Variants in CUL3 observed in about 807,000 individuals in gnomAD.
CUL3 encodes cullin 3, also known as cullin-3.
In CUL3, 19 loss-of-function variants were observed where a neutral mutation model predicts 89.1. The observed-to-expected ratio is 0.21, with a 90% CI of 0.15 to 0.31. The LOEUF (loss-of-function observed/expected upper bound fraction) is 0.31, where lower values mean the gene tolerates loss of function less well. Among genes scored for constraint, CUL3 ranks in the 10% least tolerant of loss-of-function variants. The pLI, the probability that CUL3 is intolerant of heterozygous loss-of-function variation, is 1.00. For missense variants in CUL3, 469 were observed against 942.3 expected, an observed-to-expected ratio of 0.50 and a Z score of 6.58; for synonymous variants, 351 against 308.4, an observed-to-expected ratio of 1.14 and a Z score of -1.45.
rs1691080585 is a variant in CUL3, at chr2:224,470,363, C to G, written c.*3882G>C. On this transcript the variant is annotated 3_prime_UTR_variant, in exon 16 of 16. Transcript: ENST00000264414. ...CAACTTAGACCCTAAAACTGAGCAT[C>G]AAATTACTTAAATGACACGCTTACA... 4.4e-6 allele frequency: 1 copy of G among 228,878 alleles called. No homozygotes were observed. Among genetic ancestry groups the G allele is most frequent in the Non-Finnish European group, 8.7e-6 (1 of 115,492 alleles). 14.2% of individuals were successfully genotyped at this position (228,878 alleles called of 1,614,324 possible). A position where few individuals can be genotyped will look rare whatever the true frequency, so the allele number is the denominator to read the frequency against.
At position 224,472,510 on chromosome 2, in the gene CUL3, T is replaced by C. The variant is rs560363718; in HGVS notation, c.*1735A>G. The C allele has an allele frequency of 5.3e-6, 1 of 188,912 alleles. No individual in the cohort carries two copies. Among genetic ancestry groups the C allele is most frequent in the East Asian group, 8.6e-5 (1 of 11,630 alleles). 11.7% of individuals were successfully genotyped at this position (188,912 alleles called of 1,614,324 possible). On this transcript the variant is annotated 3_prime_UTR_variant, in exon 16 of 16. Transcript: ENST00000264414. Reference sequence around the variant, plus strand: ...TTCCAATTATGTCAAAATCAGAAGGTGAAACCCTTAGCTTTCCATGTTACA... The same window carrying C: ...TTCCAATTATGTCAAAATCAGAAGGCGAAACCCTTAGCTTTCCATGTTACA...
intron 13 of CUL3, among the ~76,000 whole-genome samples, chr2:224,486,461 C>T (rs1033224069): frequency 8.6e-5 from 13 of 151,852 alleles, no homozygotes; most frequent in Admixed American, 3.9e-4. Context: ...ACAAGAACTT[C>T]GTGAAGCACA....
chr2:224,501,761 G>C (rs1271782878), intron 10 of CUL3, among the ~76,000 whole-genome samples: 1 of 152,130 alleles, frequency 6.6e-6, no homozygotes, highest in African/African-American at 2.4e-5. Flanking sequence ...AGTTGGTTAG[G>C]GGAAGGGAGG....
rs1295072753 is a variant in CUL3, at chr2:224,471,723, G to T, written c.*2522C>A. ...AGGCTGTGCGTTCCCTAATTGCAAT[G>T]AATTTTCAGTCTTTAAATAATGTTA... On this transcript the variant is annotated 3_prime_UTR_variant, in exon 16 of 16. Coordinates refer to ENST00000264414, the MANE Select transcript of CUL3 (RefSeq NM_003590.5). The T allele has an allele frequency of 4.5e-6, 1 of 223,724 alleles. No homozygotes were observed. The highest frequency in any genetic ancestry group is 8.9e-6 in the Non-Finnish European group (1 of 112,214). The allele number at this position is 223,724 out of a possible 1,614,324, so 13.9% of individuals were successfully genotyped here. A position where few individuals can be genotyped will look rare whatever the true frequency, so the allele number is the denominator to read the frequency against.
At chr2:224,552,796 G>A (rs867548498) in intron 2 of CUL3, among the ~76,000 whole-genome samples, 16 of 152,134 alleles carry the variant, frequency 1.1e-4, no homozygotes, top group Non-Finnish European at 1.6e-4. Context: ...TATATGGTTC[G>A]TCAGGCAGTT....
intron 1 of CUL3, among the ~76,000 whole-genome samples, chr2:224,578,469 T>A (rs1357170290): frequency 6.6e-6 from 1 of 152,078 alleles, no homozygotes; most frequent in Non-Finnish European, 1.5e-5. Context: ...TACAGGTGAT[T>A]TTTTTTATTT....
chr2:224,481,530 G>A (rs1405813344), intron 14 of CUL3, among the ~76,000 whole-genome samples: 1 of 151,802 alleles, frequency 6.6e-6, no homozygotes, highest in Non-Finnish European at 1.5e-5. Context: ...TTTTATATAG[G>A]TCTCCCAATT....
At chr2:224,573,549 G>A (rs1279183565) in intron 1 of CUL3, among the ~76,000 whole-genome samples, 4 of 152,146 alleles carry the variant, frequency 2.6e-5, no homozygotes, top group African/African-American at 4.8e-5. Context: ...GGAAGCTTAC[G>A]AAGGCTTCTT....
chr2:224,565,297 A>T, intron 1 of CUL3, among the ~76,000 whole-genome samples: 2 of 152,200 alleles, frequency 1.3e-5, no homozygotes, highest in Non-Finnish European at 2.9e-5. Flanking sequence ...GTGGAAGTGG[A>T]TTGTCATAAA....
chr2:224,503,137 A>G (rs1172497865), intron 9 of CUL3, 65 bp from the exon 10 acceptor site: 10 of 1,033,104 alleles, frequency 9.7e-6, no homozygotes, highest in Non-Finnish European at 1.2e-5. Context: ...AAGTACAGAA[A>G]GAAATAAATT....
At chr2:224,505,242 A>C (rs1054272721) in intron 8 of CUL3, among the ~76,000 whole-genome samples, 1 of 150,430 alleles carries the variant, frequency 6.6e-6, no homozygotes, top group Non-Finnish European at 1.5e-5. Context: ...GGTTCAAGTG[A>C]TTCTCCTGCC....
chr2:224,551,506 ATTTT>A (rs374647901), intron 2 of CUL3, among the ~76,000 whole-genome samples: 1 of 139,630 alleles, frequency 7.2e-6, no homozygotes, highest in Non-Finnish European at 1.6e-5. Flanking sequence ...CGCCTGGTCA[ATTTT>A]TTTTTTTTTT....
At position 224,474,194 on chromosome 2, in the gene CUL3, A is replaced by C; in HGVS notation, c.*51T>G. The C allele has an allele frequency of 6.4e-7, 1 of 1,559,610 alleles. No homozygotes were observed. Among genetic ancestry groups the C allele is most frequent in the Non-Finnish European group, 8.7e-7 (1 of 1,149,856 alleles). On this transcript the variant is annotated 3_prime_UTR_variant, in exon 16 of 16. Coordinates refer to ENST00000264414, the MANE Select transcript of CUL3 (RefSeq NM_003590.5). The stretch of plus-strand genomic sequence containing the variant: ...ATTTAATGATTTAAAAGAACTTCCC[A>C]GTCCATGCGAAGAGTACAGTCCAAG...
At chr2:224,559,423 A>T (rs554705499) in intron 1 of CUL3, among the ~76,000 whole-genome samples, 1 of 150,382 alleles carries the variant, frequency 6.6e-6, no homozygotes, top group South Asian at 2.1e-4. Flanking sequence ...ACTGCACTCC[A>T]GCCTAGGTGA....
intron 2 of CUL3, among the ~76,000 whole-genome samples, chr2:224,538,640 C>T (rs573199854): frequency 8.5e-5 from 13 of 152,228 alleles, no homozygotes; most frequent in South Asian, 8.3e-4. Flanking sequence ...AAAACCTATA[C>T]TAAAATTACA....
chr2:224,553,370 A>T (rs139611032), intron 2 of CUL3, among the ~76,000 whole-genome samples: 161 of 152,330 alleles, frequency 1.1e-3, no homozygotes, highest in Middle Eastern at 3.4e-3. Flanking sequence ...GAATAAATAA[A>T]AGAACATTTT....
At chr2:224,536,685 A>G (rs1366381352) in intron 2 of CUL3, among the ~76,000 whole-genome samples, 1 of 152,124 alleles carries the variant, frequency 6.6e-6, no homozygotes, top group African/African-American at 2.4e-5. Flanking sequence ...TGTCTTTCCA[A>G]TCCAACCCTA....
At chr2:224,518,849 T>C (rs1263334710) in intron 3 of CUL3, among the ~76,000 whole-genome samples, 2 of 152,228 alleles carry the variant, frequency 1.3e-5, no homozygotes, top group Non-Finnish European at 2.9e-5. Flanking sequence ...ATTTCCCCTG[T>C]CCCAACTTTA....
intron 1 of CUL3, among the ~76,000 whole-genome samples, chr2:224,562,422 G>A (rs759201241): frequency 3.3e-5 from 5 of 152,090 alleles, no homozygotes; most frequent in Non-Finnish European, 7.4e-5. Flanking sequence ...CAGATCACTT[G>A]AGGTTGGGAG....
Sources: allele counts gnomAD v4.1 joint callset (sites outside exome capture counted in the v4.1 genomes callset), GRCh38; gene constraint gnomAD v4.1.1; transcripts MANE v1.5; gene names NCBI Gene and HGNC (gene_info 2026-07-23, HGNC 2026-07-21).